The following PDE3B variants were observed in gnomAD, a reference collection of about 807,000 sequenced individuals.
PDE3B encodes cGMP-inhibited 3',5'-cyclic phosphodiesterase 3B.
Under a neutral mutation model 116.8 loss-of-function variants are expected in PDE3B, and 66 were observed. The observed-to-expected ratio is 0.56, with a 90% CI of 0.46 to 0.69. The LOEUF is 0.69. Ranked by LOEUF, PDE3B falls within the 30% of genes least tolerant of loss-of-function variation. The probability of loss-of-function intolerance (pLI) is 0.00; values close to 1 mark genes in which losing one functional copy is unlikely to be tolerated. For synonymous variants in PDE3B, 595 were observed against 533.6 expected, an observed-to-expected ratio of 1.12 and a Z score of -1.59; for missense variants, 1,384 against 1,368.1, an observed-to-expected ratio of 1.01 and a Z score of -0.18.
At chr11:14,840,553 G>C (rs1860190123) in intron 11 of PDE3B, among the ~76,000 whole-genome samples, 1 of 152,194 alleles carries the variant, frequency 6.6e-6, no homozygotes, top group South Asian at 2.1e-4. Context: ...TTAATCCATA[G>C]TTACGGCTTT....
chr11:14,846,930 A>G (rs978005763), intron 12 of PDE3B, among the ~76,000 whole-genome samples: 7 of 152,308 alleles, frequency 4.6e-5, no homozygotes, highest in Non-Finnish European at 7.3e-5. Flanking sequence ...AGACAGATCA[A>G]TGAGACAGAA....
At chr11:14,757,118 C>A (rs1020499839) in intron 1 of PDE3B, among the ~76,000 whole-genome samples, 4 of 152,118 alleles carry the variant, frequency 2.6e-5, no homozygotes, top group Non-Finnish European at 4.4e-5. Flanking sequence ...CATGTCCCTA[C>A]AAAGGACACG....
chr11:14,681,322 G>A (rs1187083320), intron 1 of PDE3B, among the ~76,000 whole-genome samples: 1 of 152,134 alleles, frequency 6.6e-6, no homozygotes, highest in Non-Finnish European at 1.5e-5. Flanking sequence ...TTGAATGGTG[G>A]CTCCCACAAT....
the PDE3B span, chr11:14,891,669 G>A: frequency 8.5e-7 from 1 of 1,172,052 alleles, no homozygotes. Flanking sequence ...TGGCGGCGCG[G>A]CTGGCGAGCC....
intron 1 of PDE3B, among the ~76,000 whole-genome samples, chr11:14,725,704 A>G (rs541159877): frequency 1.4e-5 from 2 of 147,688 alleles, no homozygotes; most frequent in African/African-American, 5.0e-5. Flanking sequence ...CATCTTTAAC[A>G]TTTGTGCTCA....
chr11:14,783,215 T>G (rs1159225240), intron 2 of PDE3B, among the ~76,000 whole-genome samples: 6 of 152,228 alleles, frequency 3.9e-5, no homozygotes, highest in Admixed American at 3.9e-4. Flanking sequence ...TGCTGAAGGA[T>G]CTGGAACTAG....
chr11:14,880,480 TC>T, the PDE3B span: 1 of 1,613,534 alleles, frequency 6.2e-7, no homozygotes, highest in Non-Finnish European at 8.5e-7. Context: ...GGCAGCTAGT[TC>T]CACATTTTCA....
At chr11:14,863,082 G>A (rs1256105250) in intron 14 of PDE3B, among the ~76,000 whole-genome samples, 1 of 150,830 alleles carries the variant, frequency 6.6e-6, no homozygotes, top group Non-Finnish European at 1.5e-5. Context: ...TCCCCTCCCT[G>A]TGTCCACGTG....
chr11:14,771,781 A>G (rs982778038), intron 1 of PDE3B, among the ~76,000 whole-genome samples, 156 bp from the exon 2 acceptor site: 2 of 151,730 alleles, frequency 1.3e-5, no homozygotes, highest in Non-Finnish European at 3.0e-5. Context: ...TATTAATGAA[A>G]TATTCTGTCG....
rs1323233873 is a variant in PDE3B, at chr11:14,843,866, T to C, written c.2360T>C (p.Ile787Thr). ...GRINHGRIAY[I>T]SSKSCSNPDE... ...ATTAACCATGGGCGAATTGCTTATATTTCTTCGAAGAGCTGCTCTAATCCT... is the reference window on the plus strand; with the variant it reads ...ATTAACCATGGGCGAATTGCTTATACTTCTTCGAAGAGCTGCTCTAATCCT... Residue 787 changes from isoleucine to threonine, a missense_variant, in exon 12 of 16, where the codon ATT becomes ACT. Transcript: ENST00000282096. 1 of 1,614,204 alleles carries C rather than the reference T, an allele frequency of 6.2e-7. No homozygotes were observed. The highest frequency in any genetic ancestry group is 1.1e-5 in the South Asian group (1 of 91,084).
At chr11:14,866,686 T>C (rs1480877375) in intron 14 of PDE3B, among the ~76,000 whole-genome samples, 5 of 152,176 alleles carry the variant, frequency 3.3e-5, no homozygotes, top group African/African-American at 1.2e-4. Context: ...ACCTGCAGAA[T>C]TTGTACATTG....
Position 14,786,524 on chromosome 11 carries a change from C to G in PDE3B, c.1117C>G (p.Pro373Ala), listed in dbSNP as rs1858203756. 6.2e-7 allele frequency: 1 copy of G among 1,612,990 alleles called. No individual in the cohort carries two copies. The highest frequency in any genetic ancestry group is 8.5e-7 in the Non-Finnish European group (1 of 1,179,272). ...AGATCTTCTGACTGATCCAAGCCTT[C>G]CACCACAAGTCATTTCCTCTCTACG... ...VSDLLTDPSL[P>A]PQVISSLRSI... is the part of the protein sequence containing the mutation. Residue 373 changes from proline (P) to alanine (A), a missense_variant, in exon 3 of 16, where the codon CCA becomes GCA. Around this residue, in one of 2 missense-constraint regions of PDE3B, gnomAD observed 956 missense variants for 806.8 expected, o/e 1.18. Coordinates refer to ENST00000282096, the MANE Select transcript of PDE3B (RefSeq NM_000922.4).
chr11:14,808,013 T>C (rs1858998508), intron 5 of PDE3B, among the ~76,000 whole-genome samples: 1 of 151,728 alleles, frequency 6.6e-6, no homozygotes, highest in Non-Finnish European at 1.5e-5. Context: ...TGAGCCGAGA[T>C]TGTGCCACTG....
At chr11:14,797,934 C>G (rs537961415) in intron 4 of PDE3B, among the ~76,000 whole-genome samples, 1 of 152,110 alleles carries the variant, frequency 6.6e-6, no homozygotes, top group Non-Finnish European at 1.5e-5. Flanking sequence ...CTTTCTCTTG[C>G]CCGATTGCCC....
chr11:14,746,485 C>T (rs1856914307), intron 1 of PDE3B, among the ~76,000 whole-genome samples: 1 of 152,182 alleles, frequency 6.6e-6, no homozygotes, highest in African/African-American at 2.4e-5. Flanking sequence ...TGATTTGATG[C>T]TGTAAAGGCT....
intron 1 of PDE3B, among the ~76,000 whole-genome samples, chr11:14,716,431 G>A (rs1480832781): frequency 6.6e-6 from 1 of 151,360 alleles, no homozygotes; most frequent in Non-Finnish European, 1.5e-5. Flanking sequence ...GCTCAAGGAG[G>A]CCTGCCTGCC....
chr11:14,712,463 C>CTTTT (rs1306991424), intron 1 of PDE3B, among the ~76,000 whole-genome samples: 1 of 93,188 alleles, frequency 1.1e-5, no homozygotes, highest in Admixed American at 1.4e-4. Context: ...GACGTACAAG[C>CTTTT]TTGTTTTTTT....
At chr11:14,748,721 TG>T (rs1039122690) in intron 1 of PDE3B, among the ~76,000 whole-genome samples, 2 of 152,164 alleles carry the variant, frequency 1.3e-5, no homozygotes, top group African/African-American at 4.8e-5. Flanking sequence ...TCATTCATTA[TG>T]GTTTTGGAAA....
the PDE3B span, among the ~76,000 whole-genome samples, chr11:14,893,476 A>G: frequency 6.6e-6 from 1 of 152,156 alleles, no homozygotes; most frequent in Non-Finnish European, 1.5e-5. Context: ...TTTTCTTACA[A>G]TTCTTGAGGT....
Sources: allele counts gnomAD v4.1 joint callset (sites outside exome capture counted in the v4.1 genomes callset), GRCh38; gene constraint gnomAD v4.1.1; regional missense constraint gnomAD v4.1.1; transcripts MANE v1.5; gene names NCBI Gene and HGNC (gene_info 2026-07-23, HGNC 2026-07-21).